Variants in HDAC4 observed in about 807,000 individuals in gnomAD.
HDAC4 encodes histone deacetylase A.
Under a neutral mutation model 135.1 loss-of-function variants are expected in HDAC4, and 16 were observed. The ratio of observed to expected loss-of-function variants is 0.12; its 90% CI spans 0.08 to 0.18. The LOEUF (loss-of-function observed/expected upper bound fraction) is 0.18, where lower values mean the gene tolerates loss of function less well. HDAC4 is among the 10% of genes least tolerant of loss of function. The pLI is 1.00. For synonymous variants in HDAC4, 685 were observed against 653.4 expected, an observed-to-expected ratio of 1.05 and a Z score of -0.74; for missense variants, 1,143 against 1,511.8, an observed-to-expected ratio of 0.76 and a Z score of 4.05.
intron 22 of HDAC4, among the ~76,000 whole-genome samples, chr2:239,080,139 C>A (rs143019438): frequency 5.0e-4 from 76 of 152,254 alleles, no homozygotes; most frequent in South Asian, 2.9e-3. Flanking sequence ...AACACACACA[C>A]GCACGTGGAC....
chr2:239,345,028 TGCCAGCTG>T (rs938085126), intron 2 of HDAC4, among the ~76,000 whole-genome samples: 1 of 152,274 alleles, frequency 6.6e-6, no homozygotes, highest in Admixed American at 6.5e-5. Flanking sequence ...CCTGGACTCC[TGCCAGCTG>T]GCTGCACCTG....
At chr2:239,269,052 C>T (rs1304769115) in intron 2 of HDAC4, among the ~76,000 whole-genome samples, 1 of 152,188 alleles carries the variant, frequency 6.6e-6, no homozygotes, top group Admixed American at 6.5e-5. Flanking sequence ...TTAGAAGACC[C>T]TCTTACTGTG....
rs183485342 is a variant in HDAC4 at position 239,194,430 on chromosome 2, T to G, written c.95-4353A>C. ...CGGAACATGCTGAGCGCCACGCTGC[T>G]GCCGGGGAATTCTCTTCTGAAGCTT... On this transcript the variant is annotated intron_variant, in intron 3 of 26. Transcript: ENST00000543185. 6.6e-5 allele frequency among the ~76,000 whole-genome samples: 10 copies of G among 152,370 alleles called. No individual in the cohort carries two copies. The East Asian group carries it at 1.9e-3, about 29-fold the overall frequency.
chr2:239,361,858 T>C (rs573393219), intron 1 of HDAC4, among the ~76,000 whole-genome samples: 127 of 152,320 alleles, frequency 8.3e-4, no homozygotes, highest in African/African-American at 3.0e-3. Flanking sequence ...TTTATCTTGA[T>C]GTATGTGTCT....
At chr2:239,166,652 C>CA (rs1243186441) in intron 5 of HDAC4, among the ~76,000 whole-genome samples, 2 of 152,224 alleles carry the variant, frequency 1.3e-5, no homozygotes, top group African/African-American at 4.8e-5. Context: ...CATGTGAGCA[C>CA]TGGCATTCCT....
At chr2:239,094,910 C>T in intron 17 of HDAC4, 100 bp downstream of exon 17, 1 of 1,606,038 alleles carries the variant, frequency 6.2e-7, no homozygotes, top group Non-Finnish European at 8.5e-7. Context: ...AAACACCTGG[C>T]AGCAATTATT....
intron 2 of HDAC4, among the ~76,000 whole-genome samples, chr2:239,294,842 G>A (rs981522652): frequency 1.3e-5 from 2 of 152,162 alleles, no homozygotes; most frequent in Non-Finnish European, 2.9e-5. Context: ...GGTCAGGACT[G>A]TGCGCTCTCA....
At chr2:239,232,846 A>C (rs34515361) in intron 3 of HDAC4, among the ~76,000 whole-genome samples, 1 of 34,918 alleles carries the variant, frequency 2.9e-5, no homozygotes, top group Non-Finnish European at 5.9e-5. Context: ...CCCTTCCCTC[A>C]CCAAGCCAAG....
chr2:239,050,405 G>A lies in HDAC4; in HGVS notation c.*2692C>T, dbSNP rs1017071234. 7.2e-5 allele frequency: 11 copies of A among 152,304 alleles called. No homozygotes were observed. The highest frequency in any genetic ancestry group is 2.4e-4 in the African/African-American group (10 of 41,474). 9.4% of individuals were successfully genotyped at this position (152,304 alleles called of 1,614,324 possible). A position where few individuals can be genotyped will look rare whatever the true frequency, so the allele number is the denominator to read the frequency against. On this transcript the variant is annotated 3_prime_UTR_variant, in exon 27 of 27. Coordinates refer to ENST00000543185, the MANE Select transcript of HDAC4 (RefSeq NM_001378414.1). ...GCTATGCAGAGAATGAGGCCAAGGA[G>A]GCCAGAAGAGCCTGCTAGCTGGGCC...
chr2:239,314,904 G>A (rs188334849), intron 2 of HDAC4, among the ~76,000 whole-genome samples: 103 of 152,264 alleles, frequency 6.8e-4, no homozygotes, highest in African/African-American at 2.5e-3. Flanking sequence ...AGGTCGTGAT[G>A]GGGACGGGCA....
At chr2:239,213,866 G>A (rs1025952823) in intron 3 of HDAC4, among the ~76,000 whole-genome samples, 1 of 152,238 alleles carries the variant, frequency 6.6e-6, no homozygotes, top group Non-Finnish European at 1.5e-5. Flanking sequence ...GGACCCGCAA[G>A]AAAGCAGAAA....
chr2:239,126,802 C>T, intron 11 of HDAC4, 108 bp from the exon 12 acceptor site: 3 of 1,225,542 alleles, frequency 2.4e-6, no homozygotes, highest in African/African-American at 1.5e-5. Flanking sequence ...TGCCCGCCAG[C>T]CCAGGCGTTC....
At chr2:239,189,000 C>T (rs1314673239) in intron 4 of HDAC4, among the ~76,000 whole-genome samples, 1 of 152,252 alleles carries the variant, frequency 6.6e-6, no homozygotes, top group Non-Finnish European at 1.5e-5. Flanking sequence ...ATTCCTGACC[C>T]ACAGAGCAAG....
intron 2 of HDAC4, among the ~76,000 whole-genome samples, chr2:239,269,921 G>A (rs557610814): frequency 4.9e-4 from 75 of 152,310 alleles, no homozygotes; most frequent in Admixed American, 1.8e-3. Context: ...TTTGTTAATT[G>A]CACATTATCA....
chr2:239,191,130 T>A (rs2044920409), intron 3 of HDAC4: 2 of 404,940 alleles, frequency 4.9e-6, no homozygotes. Context: ...AAGCTCCCCA[T>A]AACCAACACT....
chr2:239,081,453 C>G (rs1017747652), intron 21 of HDAC4, among the ~76,000 whole-genome samples: 1 of 152,240 alleles, frequency 6.6e-6, no homozygotes, highest in Non-Finnish European at 1.5e-5. Context: ...CACACCAAGG[C>G]CCTGCACTGA....
intron 2 of HDAC4, among the ~76,000 whole-genome samples, chr2:239,277,339 G>A (rs888558819): frequency 3.3e-5 from 5 of 152,194 alleles, no homozygotes; most frequent in Non-Finnish European, 5.9e-5. Flanking sequence ...GAGGTGGGGA[G>A]AGGAGGAGCA....
At chr2:239,377,829 A>T (rs971187243) in intron 1 of HDAC4, among the ~76,000 whole-genome samples, 1 of 152,082 alleles carries the variant, frequency 6.6e-6, no homozygotes, top group African/African-American at 2.4e-5. Flanking sequence ...GCCCAGGCCC[A>T]AGACTGATCA....
In HDAC4 at chr2:239,050,509, C is replaced by A. The variant is rs971830759; in HGVS notation, c.*2588G>T. On this transcript the variant is annotated 3_prime_UTR_variant, in exon 27 of 27. Transcript: ENST00000543185. The stretch of plus-strand genomic sequence containing the variant: ...TGGGCTTCAGAGCAAAGAGTGGCCA[C>A]CAGGGAGGGGAAAGTCAAACAAGTC... The A allele has an allele frequency of 2.0e-5, 3 of 152,532 alleles. No individual in the cohort carries two copies. The highest frequency in any genetic ancestry group is 6.5e-5 in the Admixed American group (1 of 15,284). The allele number at this position is 152,532 out of a possible 1,614,324, so 9.4% of individuals were successfully genotyped here.
Sources: gnomAD v4.1 joint callset for allele counts (sites outside exome capture counted in the v4.1 genomes callset) on GRCh38, gnomAD v4.1.1 for gene constraint, MANE v1.5 for transcripts, NCBI Gene and HGNC (gene_info 2026-07-23, HGNC 2026-07-21) for gene names.